Variants in RBFA observed in about 807,000 individuals in gnomAD.
The protein encoded by RBFA is putative ribosome-binding factor A, mitochondrial.
In RBFA, 16 loss-of-function variants were observed where a neutral mutation model predicts 27.9. The ratio of observed to expected loss-of-function variants is 0.57; its 90% CI spans 0.39 to 0.87. RBFA has a LOEUF of 0.87. Ranked by LOEUF, RBFA falls within the 40% of genes least tolerant of loss-of-function variation. The pLI is 0.00. For missense variants in RBFA, 456 were observed against 432.1 expected, an observed-to-expected ratio of 1.06 and a Z score of -0.49; for synonymous variants, 181 against 181.0, an observed-to-expected ratio of 1.00 and a Z score of 0.00.
chr18:80,036,239 G>T (rs12956098), intron 1 of RBFA, among the ~76,000 whole-genome samples: 116,104 of 152,096 alleles, frequency 0.76, 45,046 homozygotes, highest in East Asian at 0.91. Flanking sequence ...TCTCCTTGCT[G>T]ATCTGTAAGT....
At chr18:80,034,699 GGCGGTGTCCCCGGGTT>G (rs749948948) in intron 1 of RBFA, 46 bp downstream of exon 1, 5 of 1,589,172 alleles carry the variant, frequency 3.1e-6, no homozygotes, top group Admixed American at 1.8e-5. Flanking sequence ...TTCCCTAGGG[GGCGGTGTCCCCGGGTT>G]GCGGTGTCCG....
chr18:80,035,885 C>T (rs1254113677), intron 1 of RBFA: 1 of 152,154 alleles, frequency 6.6e-6, no homozygotes, highest in Non-Finnish European at 1.5e-5. Context: ...GTTTGCATAC[C>T]CTGTCATTGT....
At chr18:80,038,127 G>A (rs2051993091) in intron 3 of RBFA, among the ~76,000 whole-genome samples, 3 of 152,206 alleles carry the variant, frequency 2.0e-5, no homozygotes, top group African/African-American at 4.8e-5. Flanking sequence ...ATGTACCTCA[G>A]TACAGAGGTA....
Position 80,045,919 on chromosome 18 carries a change from G to A in RBFA, c.796G>A (p.Gly266Arg). ...AGGGCTCGGGGGCCTGGTGTGGCAGGGGCAGGTGGCTGAGCTGACAACGCA... is the reference window on the plus strand; with the variant it reads ...AGGGCTCGGGGGCCTGGTGTGGCAGAGGCAGGTGGCTGAGCTGACAACGCA... ...DKGLGGLVWQ[G>R]QVAELTTQMK... The change falls in exon 7 of 7, where the codon GGG (glycine) becomes AGG (arginine). Residue 266 changes from glycine (G) to arginine (R), a missense_variant. Gly to Arg is a moderately radical substitution (Grantham distance 125). Transcript: ENST00000306735. The A allele has an allele frequency of 6.2e-7, 1 of 1,613,762 alleles. No homozygotes were observed. Among genetic ancestry groups the A allele is most frequent in the Non-Finnish European group, 8.5e-7 (1 of 1,179,802 alleles).
chr18:80,041,076 G>T (rs1211341917), intron 4 of RBFA, among the ~76,000 whole-genome samples: 1 of 152,150 alleles, frequency 6.6e-6, no homozygotes, highest in Non-Finnish European at 1.5e-5. Flanking sequence ...CCGTGTGTGG[G>T]CTTCGTTCCA....
In RBFA at chr18:80,046,256, T is replaced by C. The variant is rs2052053394; in HGVS notation, c.*101T>C. ...CAGTTGATGGAGTTAAACCATCTGC[T>C]CTTCTGCTACTTCAACATTTTCTAG... is the stretch of plus-strand genomic sequence containing the variant. On this transcript the variant is annotated 3_prime_UTR_variant, in exon 7 of 7. Coordinates refer to ENST00000306735, the MANE Select transcript of RBFA (RefSeq NM_024805.3). 2 of 1,287,740 alleles carry C rather than the reference T, an allele frequency of 1.6e-6. No homozygotes were observed. Among genetic ancestry groups the C allele is most frequent in the Non-Finnish European group, 2.1e-6 (2 of 945,050 alleles). 79.8% of individuals were successfully genotyped at this position (1,287,740 alleles called of 1,614,324 possible). A position where few individuals can be genotyped will look rare whatever the true frequency, so the allele number is the denominator to read the frequency against.
chr18:80,034,564 T>C lies in RBFA; in HGVS notation c.69T>C (p.Asp23=). 6.2e-7 allele frequency: 1 copy of C among 1,609,492 alleles called. No individual in the cohort carries two copies. Among genetic ancestry groups the C allele is most frequent in the South Asian group, 1.1e-5 (1 of 90,658 alleles). Residue 23 remains aspartate (D), a synonymous_variant, in exon 1 of 7, where the codon GAT becomes GAC. Coordinates refer to ENST00000306735, the MANE Select transcript of RBFA (RefSeq NM_024805.3). ...AGLRALFRSR[D]AALFPGCERG... is the part of the protein sequence containing the mutation. ...TCCGGGCCCTGTTCCGTAGCCGCGATGCTGCGCTATTTCCAGGCTGCGAGC... is the reference window on the plus strand; with the variant it reads ...TCCGGGCCCTGTTCCGTAGCCGCGACGCTGCGCTATTTCCAGGCTGCGAGC...
At chr18:80,044,144 T>G in intron 5 of RBFA, 68 bp from the exon 6 acceptor site, 3 of 1,329,244 alleles carry the variant, frequency 2.3e-6, no homozygotes, top group Non-Finnish European at 3.3e-6. Context: ...TGGTGTTACG[T>G]GGAGCCCGGC....
rs1413659446 is a variant in RBFA, at chr18:80,036,725, T to C, written c.201+15T>C. 6.2e-7 allele frequency: 1 copy of C among 1,600,760 alleles called. No individual in the cohort carries two copies. The highest frequency in any genetic ancestry group is 8.5e-7 in the Non-Finnish European group (1 of 1,169,988). ...GTTCTCACTCGGTGAGTATAAGCCA[T>C]GAGCCACTTTATAATCTTGATGGGA... On this transcript the variant is annotated intron_variant, in intron 2 of 6. Transcript: ENST00000306735.
chr18:80,041,365 T>C (rs1006028867), intron 4 of RBFA: 1 of 152,178 alleles, frequency 6.6e-6, no homozygotes, highest in Non-Finnish European at 1.5e-5. Flanking sequence ...CGGCTTTCGC[T>C]GGTTATATGT....
chr18:80,038,063 A>G (rs2051992775), intron 3 of RBFA, among the ~76,000 whole-genome samples: 1 of 152,200 alleles, frequency 6.6e-6, no homozygotes, highest in South Asian at 2.1e-4. Context: ...AGCACCTGGC[A>G]CATTGTCAGA....
At chr18:80,040,921 T>C (rs2052012180) in intron 4 of RBFA, among the ~76,000 whole-genome samples, 1 of 152,320 alleles carries the variant, frequency 6.6e-6, no homozygotes, top group Middle Eastern at 3.4e-3. Context: ...ATAAAGAAAT[T>C]ATTCAGTTTC....
chr18:80,037,428 C>A lies in RBFA; in HGVS notation c.300C>A (p.Leu100=), dbSNP rs1348056523. 3.7e-6 allele frequency: 6 copies of A among 1,614,020 alleles called. No individual in the cohort carries two copies. Among genetic ancestry groups the A allele is most frequent in the South Asian group, 2.2e-5 (2 of 91,088 alleles). ...GCCTGAGGGCCCTGAACGGCCTCCT[C>A]TATAAGGCACTGACAGACCTGCTGT... is the stretch of plus-strand genomic sequence containing the variant. ...HARLRALNGL[L]YKALTDLLCT... The change falls in exon 3 of 7, where the codon CTC becomes CTA. Residue 100 remains leucine (L), a synonymous_variant. Coordinates refer to ENST00000306735, the MANE Select transcript of RBFA (RefSeq NM_024805.3).
In RBFA at chr18:80,045,781, G is replaced by T. The variant is rs538927668; in HGVS notation, c.658G>T (p.Asp220Tyr). 18 of 1,512,466 alleles carry T rather than the reference G, an allele frequency of 1.2e-5. No homozygotes were observed. Among genetic ancestry groups the T allele is most frequent in the Non-Finnish European group, 1.5e-5 (17 of 1,131,192 alleles). The allele number at this position is 1,512,466 out of a possible 1,614,324, so 93.7% of individuals were successfully genotyped here. The change falls in exon 7 of 7, where the codon GAT (aspartate) becomes TAT (tyrosine). Residue 220 changes from aspartate (D) to tyrosine (Y), a missense_variant. Asp to Tyr is a radical substitution (Grantham distance 160, BLOSUM62 -3). Coordinates refer to ENST00000306735, the MANE Select transcript of RBFA (RefSeq NM_024805.3). ...NFVQNDFRDPDAPQPCGTTEP... is the reference protein window; with the variant it reads ...NFVQNDFRDPYAPQPCGTTEP... ...CCTCTTCTTCCTTCCCAGGGACCCTGATGCCCCACAACCCTGCGGCACCAC... is the reference window on the plus strand; with the variant it reads ...CCTCTTCTTCCTTCCCAGGGACCCTTATGCCCCACAACCCTGCGGCACCAC...
Position 80,046,096 on chromosome 18 carries a change from G to T in RBFA, c.973G>T (p.Ala325Ser). The change falls in exon 7 of 7, where the codon GCA becomes TCA. Residue 325 changes from alanine (A) to serine (S), a missense_variant. Ala to Ser is a moderately conservative substitution (Grantham distance 99, BLOSUM62 1). Coordinates refer to ENST00000306735, the MANE Select transcript of RBFA (RefSeq NM_024805.3). ...TGCCCCGGACACAGAGGAGTTGGAG[G>T]CAGAGAGAGGAGGTGGCAGAACAGA... ...CYAPDTEELEAERGGGRTEDG... is the reference protein window; with the variant it reads ...CYAPDTEELESERGGGRTEDG... The T allele has an allele frequency of 6.2e-7, 1 of 1,614,178 alleles. No individual in the cohort carries two copies. Among genetic ancestry groups the T allele is most frequent in the Admixed American group, 1.7e-5 (1 of 60,018 alleles).
rs1014302330 is a variant in RBFA, at chr18:80,048,980, G to A, written c.*2825G>A. On this transcript the variant is annotated 3_prime_UTR_variant, in exon 7 of 7. Coordinates refer to ENST00000306735, the MANE Select transcript of RBFA (RefSeq NM_024805.3). The stretch of plus-strand genomic sequence containing the variant: ...CTCCTAGAAAGTGGAGTGTGGGCAC[G>A]TTTGTAGGGGATCCCACCAGGCATC... 2.7e-5 allele frequency among the ~76,000 whole-genome samples: 4 copies of A among 147,926 alleles called. No individual in the cohort carries two copies. Among genetic ancestry groups the A allele is most frequent in the South Asian group, 2.1e-4 (1 of 4,700 alleles).
At chr18:80,045,131 G>T (rs1188247715) in intron 6 of RBFA, among the ~76,000 whole-genome samples, 3 of 152,230 alleles carry the variant, frequency 2.0e-5, no homozygotes, top group Non-Finnish European at 4.4e-5. Context: ...TCTTCATGAA[G>T]GCGAATGAGT....
rs531625967 is a variant in RBFA, at chr18:80,050,603, G to C, written c.*4448G>C. On this transcript the variant is annotated 3_prime_UTR_variant, in exon 7 of 7. Coordinates refer to ENST00000306735, the MANE Select transcript of RBFA (RefSeq NM_024805.3). ...TGTGGCCTCAAAGATCATAAATGCT[G>C]TGGGTGCTGGCAAGATACTGAAATA... Among the ~76,000 whole-genome samples, 20 of 152,346 alleles carry C rather than the reference G, an allele frequency of 1.3e-4. No homozygotes were observed. Among genetic ancestry groups the C allele is most frequent in the South Asian group, 6.2e-4 (3 of 4,826 alleles).
chr18:80,038,337 T>G (rs1042576153), intron 3 of RBFA, among the ~76,000 whole-genome samples, 168 bp from the exon 4 acceptor site: 2 of 152,162 alleles, frequency 1.3e-5, no homozygotes, highest in African/African-American at 4.8e-5. Flanking sequence ...GGGGCCCTAC[T>G]TCACCTGGGG....
Sources: gnomAD v4.1 joint callset for allele counts (sites outside exome capture counted in the v4.1 genomes callset) on GRCh38, gnomAD v4.1.1 for gene constraint, MANE v1.5 for transcripts, NCBI Gene and HGNC (gene_info 2026-07-23, HGNC 2026-07-21) for gene names.